The following BCL2L14 variants were observed in gnomAD, a reference collection of about 807,000 sequenced individuals.
The protein encoded by BCL2L14 is BCL2 like 14, also known as apoptosis facilitator Bcl-2-like protein 14.
In BCL2L14, 27 loss-of-function variants were observed where a neutral mutation model predicts 35.3. That is an observed-to-expected ratio of 0.76 (90% CI 0.56 to 1.05). The LOEUF (loss-of-function observed/expected upper bound fraction) is 1.05, where lower values mean the gene tolerates loss of function less well. Among genes scored for constraint, BCL2L14 ranks in the 50% least tolerant of loss-of-function variants. The probability of loss-of-function intolerance (pLI) is 0.00; values close to 1 mark genes in which losing one functional copy is unlikely to be tolerated. For missense variants in BCL2L14, 377 were observed against 382.6 expected, an observed-to-expected ratio of 0.99 and a Z score of 0.12; for synonymous variants, 139 against 145.9, an observed-to-expected ratio of 0.95 and a Z score of 0.34.
intron 4 of BCL2L14, 42 bp downstream of exon 4, chr12:12,090,891 A>G (rs1469845099): frequency 4.7e-6 from 7 of 1,475,292 alleles, no homozygotes; most frequent in East Asian, 4.7e-5. Context: ...TTCTGTGCCC[A>G]TGCACTAGTA....
intron 1 of BCL2L14, among the ~76,000 whole-genome samples, chr12:12,078,809 G>GTTTTTTGT (rs758327372): frequency 2.0e-5 from 3 of 151,780 alleles, no homozygotes; most frequent in Non-Finnish European, 4.4e-5. Context: ...GTTGTTTTTT[G>GTTTTTTGT]TTTTTTGAGA....
chr12:12,078,035 G>A (rs1170349824), intron 1 of BCL2L14: 17 of 407,220 alleles, frequency 4.2e-5, no homozygotes, highest in African/African-American at 2.9e-4. Flanking sequence ...CCTGTTATTC[G>A]TATGGAAATA....
At chr12:12,094,637 A>G in intron 4 of BCL2L14, 27 bp from the exon 5 acceptor site, 1 of 1,614,148 alleles carries the variant, frequency 6.2e-7, no homozygotes, top group African/African-American at 1.3e-5. Flanking sequence ...AAGCTACTGT[A>G]CTGAGTGCTT....
At chr12:12,092,493 C>A (rs960419251) in intron 4 of BCL2L14, among the ~76,000 whole-genome samples, 4 of 152,158 alleles carry the variant, frequency 2.6e-5, no homozygotes, top group African/African-American at 9.7e-5. Context: ...TGCAGAGCCG[C>A]TGGTCCCAAG....
At chr12:12,078,002 A>C (rs1474671107) in intron 1 of BCL2L14, 1 of 442,642 alleles carries the variant, frequency 2.3e-6, no homozygotes, top group African/African-American at 2.0e-5. Context: ...AAGGAAATTG[A>C]ACAAAATCAG....
chr12:12,061,142 AT>A (rs1948518837), intron 2 of BCL2L14, among the ~76,000 whole-genome samples: 1 of 126,568 alleles, frequency 7.9e-6, no homozygotes, highest in African/African-American at 3.0e-5. Context: ...CAGTTCCCTT[AT>A]TAGACTGAGA....
intron 1 of BCL2L14, among the ~76,000 whole-genome samples, chr12:12,072,927 C>T (rs1375646384): frequency 6.6e-6 from 1 of 152,012 alleles, no homozygotes; most frequent in Non-Finnish European, 1.5e-5. Flanking sequence ...CCCTCTGCCA[C>T]CCAGGCTGGA....
At chr12:12,088,060 C>T (rs1949086929) in intron 3 of BCL2L14, among the ~76,000 whole-genome samples, 2 of 152,142 alleles carry the variant, frequency 1.3e-5, no homozygotes, top group Non-Finnish European at 2.9e-5. Flanking sequence ...GTTGTGATGA[C>T]GCAGCCTCAT....
At chr12:12,080,670 G>T (rs769766682) in intron 2 of BCL2L14, among the ~76,000 whole-genome samples, 169 of 151,126 alleles carry the variant, frequency 1.1e-3, no homozygotes, top group Non-Finnish European at 1.9e-3. Context: ...TGCTTGGGCT[G>T]CCTGGGCCGC....
intron 2 of BCL2L14, chr12:12,055,704 T>TACA (rs1948422098): frequency 6.6e-6 from 1 of 152,222 alleles, no homozygotes; most frequent in Non-Finnish European, 1.5e-5. Flanking sequence ...AGAAGTCAAA[T>TACA]GGACTCAGAG....
chr12:12,077,920 A>C, intron 1 of BCL2L14: 1 of 414,034 alleles, frequency 2.4e-6, no homozygotes, highest in Admixed American at 2.9e-5. Context: ...AGAAGGAAAC[A>C]GATTATTAGC....
In BCL2L14 at chr12:12,065,070, G is replaced by A. The variant is rs531383677; in HGVS notation, c.-271-12636G>A. ...TACCCTCCTAGGTTTTTTGGCTGGG[G>A]CCCTGCAAATTAGACTGACGAAAGA... On this transcript the variant is annotated intron_variant, in intron 2 of 3. Transcript: ENST00000461264. 1.8e-4 allele frequency among the ~76,000 whole-genome samples: 28 copies of A among 152,162 alleles called. No homozygotes were observed. The South Asian group carries it at 5.8e-3, about 32-fold the overall frequency.
chr12:12,092,979 T>C (rs1467236682), intron 4 of BCL2L14, among the ~76,000 whole-genome samples: 1 of 152,200 alleles, frequency 6.6e-6, no homozygotes, highest in Non-Finnish European at 1.5e-5. Flanking sequence ...AATTTCCGTT[T>C]TCACATGACA....
intron 1 of BCL2L14, among the ~76,000 whole-genome samples, chr12:12,074,136 G>C (rs182162731): frequency 1.8e-4 from 28 of 152,172 alleles, no homozygotes; most frequent in African/African-American, 6.7e-4. Flanking sequence ...TGATATTTGG[G>C]ACATATACTA....
intron 2 of BCL2L14, among the ~76,000 whole-genome samples, chr12:12,083,410 C>T (rs1948971203): frequency 6.6e-6 from 1 of 152,164 alleles, no homozygotes; most frequent in Non-Finnish European, 1.5e-5. Flanking sequence ...GAGAAATGGA[C>T]AATAACACCA....
chr12:12,059,325 C>A (rs1468941668), intron 2 of BCL2L14, among the ~76,000 whole-genome samples: 1 of 151,828 alleles, frequency 6.6e-6, no homozygotes, highest in Non-Finnish European at 1.5e-5. Flanking sequence ...GCAAGAAACC[C>A]CCAACCCCTT....
intron 2 of BCL2L14, among the ~76,000 whole-genome samples, chr12:12,064,032 C>T (rs891945626): frequency 2.0e-5 from 3 of 152,214 alleles, no homozygotes; most frequent in African/African-American, 4.8e-5. Flanking sequence ...ATGTTGCTCA[C>T]ACAAAGCCTG....
Position 12,079,462 on chromosome 12 carries a change from T to C in BCL2L14, c.157T>C (p.Leu53=), listed in dbSNP as rs142250889. 2.4e-4 allele frequency: 385 copies of C among 1,614,226 alleles called. No homozygotes were observed. The highest frequency in any genetic ancestry group is 3.0e-4 in the Non-Finnish European group (352 of 1,180,042). Residue 53 remains leucine (L), a synonymous_variant, in exon 2 of 6, where the codon TTG becomes CTG. Coordinates refer to ENST00000308721, the MANE Select transcript of BCL2L14 (RefSeq NM_138723.2). ...FSPKLLRTRS[L]SQRGLGNCSA... ...ACCAAAGCTGCTGAGAACAAGAAGTTTGTCCCAGAGGGGCCTGGGGAATTG... is the reference window on the plus strand; with the variant it reads ...ACCAAAGCTGCTGAGAACAAGAAGTCTGTCCCAGAGGGGCCTGGGGAATTG...
intron 5 of BCL2L14, chr12:12,095,241 TCA>T: frequency 1.0e-6 from 1 of 985,338 alleles, no homozygotes; most frequent in Non-Finnish European, 1.2e-6. Context: ...ATTTCTGTTT[TCA>T]CAAATTTTGC....
Sources: allele counts gnomAD v4.1 joint callset (sites outside exome capture counted in the v4.1 genomes callset), GRCh38; gene constraint gnomAD v4.1.1; transcripts MANE v1.5; gene names NCBI Gene and HGNC (gene_info 2026-07-23, HGNC 2026-07-21).